MATN2: variants seen among roughly 807,000 people sequenced by gnomAD.
The protein encoded by MATN2 is matrilin-2.
Under a neutral mutation model 103.2 loss-of-function variants are expected in MATN2, and 69 were observed. The ratio of observed to expected loss-of-function variants is 0.67; its 90% CI spans 0.55 to 0.82. MATN2 has a LOEUF of 0.82. Among genes scored for constraint, MATN2 ranks in the 40% least tolerant of loss-of-function variants. MATN2 has a pLI of 0.00. For synonymous variants in MATN2, 429 were observed against 450.2 expected (o/e 0.95, Z 0.60); for missense variants, 1,023 against 1,211.5 (o/e 0.84, Z 2.31).
chr8:98,010,283 G>C (rs114609611), intron 10 of MATN2, among the ~76,000 whole-genome samples: 1,586 of 152,142 alleles, frequency 0.01, 16 homozygotes, highest in African/African-American at 0.036. Context: ...GGCTCTGCTG[G>C]GGCCTCTCTG....
Position 98,021,328 on chromosome 8 carries a change from GT to G in MATN2, c.1942+2del, listed in dbSNP as rs1404700955. ...GCTGAGGACGGAAGACGGTGCAAGA[GT>G]AAGTGATCTGAACTTGGCTCTCTGC... is the stretch of plus-strand genomic sequence containing the variant. On this transcript the variant is annotated splice_donor_variant, in intron 13 of 18. Transcript: ENST00000254898. LOFTEE classifies it high-confidence loss of function. 3.7e-6 allele frequency: 6 copies of G among 1,612,628 alleles called. No homozygotes were observed. The highest frequency in any genetic ancestry group is 5.1e-6 in the Non-Finnish European group (6 of 1,179,170).
At chr8:97,921,671 C>A (rs1429691474) in intron 2 of MATN2, among the ~76,000 whole-genome samples, 1 of 152,234 alleles carries the variant, frequency 6.6e-6, no homozygotes. Flanking sequence ...GGGACAGAAG[C>A]ACCTGAGGAG....
rs565187860 is a variant in MATN2, at chr8:97,908,243, G to A, written c.142+20001G>A. Among the ~76,000 whole-genome samples the A allele has an allele frequency of 4.6e-4, 70 of 151,688 alleles. 2 individuals are homozygous for A. Among genetic ancestry groups the A allele is most frequent in the Admixed American group, 4.1e-3 (63 of 15,218 alleles). On this transcript the variant is annotated intron_variant, in intron 2 of 18. Transcript: ENST00000254898. ...TTGCATTCCAGCCTGGGCAACAAGAGTGAAACTCTATCTCAAAAAAAAAAA... is the reference window on the plus strand; with the variant it reads ...TTGCATTCCAGCCTGGGCAACAAGAATGAAACTCTATCTCAAAAAAAAAAA...
chr8:97,879,269 A>G (rs1818175541), intron 1 of MATN2, among the ~76,000 whole-genome samples: 1 of 152,176 alleles, frequency 6.6e-6, no homozygotes, highest in African/African-American at 2.4e-5. Context: ...TTTCAGGGTG[A>G]GGGACCGGCA....
chr8:97,964,279 C>A (rs538406942), intron 5 of MATN2, among the ~76,000 whole-genome samples: 43 of 152,082 alleles, frequency 2.8e-4, no homozygotes, highest in Non-Finnish European at 6.3e-4. Flanking sequence ...AGGTACCAGA[C>A]TTAGAGCAGG....
intron 2 of MATN2, among the ~76,000 whole-genome samples, chr8:97,890,052 G>A (rs929527329): frequency 2.6e-5 from 4 of 152,300 alleles, no homozygotes; most frequent in East Asian, 3.9e-4. Context: ...AGACAAAGAG[G>A]AGGATGGGGC....
chr8:97,927,366 G>A (rs1840372), intron 2 of MATN2, among the ~76,000 whole-genome samples: 99,632 of 151,652 alleles, frequency 0.66, 33,384 homozygotes, highest in East Asian at 0.92. Context: ...CTCCATGTTG[G>A]TCAGGCTGGT....
intron 4 of MATN2, among the ~76,000 whole-genome samples, chr8:97,949,276 C>T (rs2130213362): frequency 6.6e-6 from 1 of 150,630 alleles, no homozygotes; most frequent in South Asian, 2.1e-4. Flanking sequence ...CCAAGCAATT[C>T]CCCTGCCTCA....
intron 2 of MATN2, among the ~76,000 whole-genome samples, chr8:97,906,861 G>A (rs1215096411): frequency 6.6e-6 from 1 of 152,096 alleles, no homozygotes. Flanking sequence ...TCTTTGTGGG[G>A]ACCCTCTATT....
intron 1 of MATN2, among the ~76,000 whole-genome samples, chr8:97,883,689 G>A (rs1488513303): frequency 6.6e-6 from 1 of 151,838 alleles, no homozygotes; most frequent in Admixed American, 6.6e-5. Context: ...AGTAGCTGGG[G>A]GACTACAGGT....
At chr8:98,025,872 G>C (rs571056573) in intron 13 of MATN2, 2 of 328,928 alleles carry the variant, frequency 6.1e-6, no homozygotes, top group African/African-American at 4.6e-5. Context: ...GCTTACTATC[G>C]ACCATCTATT....
At chr8:97,900,302 G>C (rs1563654416) in intron 2 of MATN2, among the ~76,000 whole-genome samples, 1 of 152,226 alleles carries the variant, frequency 6.6e-6, no homozygotes, top group Non-Finnish European at 1.5e-5. Context: ...TGGCCAGATG[G>C]ACCAAGAGCT....
intron 6 of MATN2, 114 bp downstream of exon 6, chr8:97,979,122 C>A (rs1811941053): frequency 7.9e-7 from 1 of 1,258,474 alleles, no homozygotes; most frequent in Admixed American, 2.6e-5. Context: ...TCATGGGGGT[C>A]TAATACCTTT....
At chr8:97,992,945 A>ATAATAC (rs1000812997) in intron 6 of MATN2, among the ~76,000 whole-genome samples, 1 of 150,088 alleles carries the variant, frequency 6.7e-6, no homozygotes, top group Non-Finnish European at 1.5e-5. Flanking sequence ...AATAATAATA[A>ATAATAC]TAATAATAAT....
At chr8:97,944,737 A>G (rs1348450770) in intron 4 of MATN2, among the ~76,000 whole-genome samples, 2 of 152,234 alleles carry the variant, frequency 1.3e-5, no homozygotes, top group Non-Finnish European at 2.9e-5. Flanking sequence ...AGGCTGTGCC[A>G]TCTACTGACC....
intron 10 of MATN2, among the ~76,000 whole-genome samples, chr8:98,011,939 A>G (rs1813179260): frequency 6.6e-6 from 1 of 152,240 alleles, no homozygotes; most frequent in African/African-American, 2.4e-5. Flanking sequence ...CATCCTGAGC[A>G]CACGCTGCAG....
At chr8:97,901,476 C>G (rs1329529227) in intron 2 of MATN2, among the ~76,000 whole-genome samples, 1 of 152,202 alleles carries the variant, frequency 6.6e-6, no homozygotes, top group African/African-American at 2.4e-5. Context: ...TGGTCTTGAA[C>G]TCCTGACCTC....
At chr8:97,950,550 G>C (rs1810913658) in intron 4 of MATN2, among the ~76,000 whole-genome samples, 1 of 151,922 alleles carries the variant, frequency 6.6e-6, no homozygotes, top group South Asian at 2.1e-4. Context: ...TACATATTAG[G>C]GACCCAAGAA....
intron 7 of MATN2, among the ~76,000 whole-genome samples, chr8:98,000,584 G>A (rs140520520): frequency 0.16 from 6,347 of 39,284 alleles, 494 homozygotes; most frequent in African/African-American, 0.42. Flanking sequence ...ATGACAGAGC[G>A]AGACTCCGTC....
Sources: gnomAD v4.1 joint callset for allele counts (sites outside exome capture counted in the v4.1 genomes callset) on GRCh38, gnomAD v4.1.1 for gene constraint, MANE v1.5 for transcripts, NCBI Gene and HGNC (gene_info 2026-07-23, HGNC 2026-07-21) for gene names.